The following ADARB2 variants were observed in gnomAD, a reference collection of about 807,000 sequenced individuals.
The protein encoded by ADARB2 is inactive double-stranded RNA-specific editase B2.
In ADARB2, 25 loss-of-function variants were observed where a neutral mutation model predicts 62.2. The ratio of observed to expected loss-of-function variants is 0.40; its 90% confidence interval spans 0.29 to 0.56. The LOEUF (loss-of-function observed/expected upper bound fraction) is 0.56, where lower values mean the gene tolerates loss of function less well. Ranked by LOEUF, ADARB2 falls within the 20% of genes least tolerant of loss-of-function variation. The pLI is 0.43. For synonymous variants in ADARB2, 572 were observed against 500.8 expected, an observed-to-expected ratio of 1.14 and a Z score of -1.90; for missense variants, 1,071 against 1,077.4, an observed-to-expected ratio of 0.99 and a Z score of 0.08.
In ADARB2 at chr10:1,233,978, C is replaced by CTTTTTTTTTTTTTTTTTTTTTT. The variant is rs1589160330; in HGVS notation, c.1362-134_1362-133insAAAAAAAAAAAAAAAAAAAAAA. ...CTTTATATTTTTCCTTTTTTTTTTC[C>CTTTTTTTTTTTTTTTTTTTTTT]TTTTTTTTTTGAGACGGAGTCTTGT... On this transcript the variant is annotated intron_variant, in intron 5 of 9. Transcript: ENST00000381312. 2.5e-5 allele frequency: 11 copies of CTTTTTTTTTTTTTTTTTTTTTT among 433,412 alleles called. 5 individuals carry two copies. The highest frequency in any genetic ancestry group is 7.2e-5 in the African/African-American group (2 of 27,728). The allele number at this position is 433,412 out of a possible 1,614,324, so 26.8% of individuals were successfully genotyped here. A position where few individuals can be genotyped will look rare whatever the true frequency, so the allele number is the denominator to read the frequency against.
intron 1 of ADARB2, among the ~76,000 whole-genome samples, chr10:1,608,157 A>G (rs533146631): frequency 6.6e-6 from 1 of 152,374 alleles, no homozygotes; most frequent in South Asian, 2.1e-4. Flanking sequence ...TTGACATAGT[A>G]TAAAAGTCTG....
intron 7 of ADARB2, among the ~76,000 whole-genome samples, chr10:1,206,469 CGTCTG>C: frequency 1.3e-5 from 2 of 150,620 alleles, no homozygotes; most frequent in East Asian, 3.9e-4. Context: ...CGTGCCTGTG[CGTCTG>C]AGAGAACTGC....
chr10:1,277,826 C>G (rs1295654148), intron 3 of ADARB2, among the ~76,000 whole-genome samples: 1 of 152,188 alleles, frequency 6.6e-6, no homozygotes, highest in Non-Finnish European at 1.5e-5. Flanking sequence ...GACCAATATC[C>G]CTGATGAACA....
intron 1 of ADARB2, among the ~76,000 whole-genome samples, chr10:1,669,021 T>C (rs1834347561): frequency 2.0e-5 from 3 of 152,220 alleles, no homozygotes; most frequent in African/African-American, 7.2e-5. Flanking sequence ...CCTTGGCCCC[T>C]GGGGCTGGCC....
chr10:1,346,260 A>G (rs2131841533), intron 3 of ADARB2, among the ~76,000 whole-genome samples: 1 of 152,302 alleles, frequency 6.6e-6, no homozygotes, highest in Non-Finnish European at 1.5e-5. Flanking sequence ...TCTCAGATGT[A>G]TGGGTGAGAG....
chr10:1,306,878 T>C (rs1445529893), intron 3 of ADARB2, among the ~76,000 whole-genome samples: 5 of 150,160 alleles, frequency 3.3e-5, no homozygotes, highest in South Asian at 4.4e-4. Flanking sequence ...TAGCTAGCCA[T>C]ATGTAGAAAG....
At chr10:1,220,571 C>T (rs1830686246) in intron 6 of ADARB2, among the ~76,000 whole-genome samples, 1 of 152,168 alleles carries the variant, frequency 6.6e-6, no homozygotes, top group Admixed American at 6.5e-5. Context: ...AGCCATCACA[C>T]CTAACAGTTT....
intron 3 of ADARB2, among the ~76,000 whole-genome samples, chr10:1,284,803 A>T (rs530189770): frequency 3.1e-4 from 47 of 152,288 alleles, no homozygotes; most frequent in African/African-American, 1.0e-3. Context: ...AATCCTCGAG[A>T]TATAGAACTC....
chr10:1,208,989 G>A (rs1030640400), intron 7 of ADARB2, among the ~76,000 whole-genome samples: 2 of 152,190 alleles, frequency 1.3e-5, no homozygotes, highest in South Asian at 2.1e-4. Flanking sequence ...AACAGGCTCA[G>A]GGTATCCTCT....
intron 1 of ADARB2, among the ~76,000 whole-genome samples, chr10:1,387,976 T>C (rs766742445): frequency 1.1e-4 from 17 of 151,832 alleles, no homozygotes; most frequent in Non-Finnish European, 2.1e-4. Flanking sequence ...AACCTTAACA[T>C]AATAAAGGGG....
chr10:1,727,332 G>C (rs545121555), intron 1 of ADARB2, among the ~76,000 whole-genome samples: 1 of 152,046 alleles, frequency 6.6e-6, no homozygotes, highest in Non-Finnish European at 1.5e-5. Context: ...TTCTCTGCTC[G>C]TCTCGTCACC....
At chr10:1,607,497 C>T (rs1376307713) in intron 1 of ADARB2, among the ~76,000 whole-genome samples, 1 of 152,198 alleles carries the variant, frequency 6.6e-6, no homozygotes, top group African/African-American at 2.4e-5. Flanking sequence ...CCACAGGCTG[C>T]TGTCCTGCTT....
chr10:1,271,631 TGCACAC>T (rs1831263961), intron 3 of ADARB2, among the ~76,000 whole-genome samples: 1 of 150,578 alleles, frequency 6.6e-6, no homozygotes, highest in South Asian at 2.1e-4. Context: ...TGCACACACA[TGCACAC>T]ACACAGACAC....
At chr10:1,638,240 T>C (rs1240591897) in intron 1 of ADARB2, among the ~76,000 whole-genome samples, 3 of 152,230 alleles carry the variant, frequency 2.0e-5, no homozygotes, top group Admixed American at 6.5e-5. Flanking sequence ...AGTCTCAAAA[T>C]GTCATTAACT....
intron 4 of ADARB2, among the ~76,000 whole-genome samples, chr10:1,250,837 A>T (rs1373987707): frequency 6.6e-6 from 1 of 152,228 alleles, no homozygotes; most frequent in Non-Finnish European, 1.5e-5. Context: ...CCTAGTGTAC[A>T]TCAAGCAGGT....
At chr10:1,659,298 T>C (rs1343558735) in intron 1 of ADARB2, among the ~76,000 whole-genome samples, 2 of 152,176 alleles carry the variant, frequency 1.3e-5, no homozygotes, top group African/African-American at 4.8e-5. Flanking sequence ...TAAACGGGGA[T>C]GGGAGTCCTT....
At chr10:1,554,544 C>T in intron 1 of ADARB2, among the ~76,000 whole-genome samples, 1 of 151,994 alleles carries the variant, frequency 6.6e-6, no homozygotes. Context: ...AACTTTCTTC[C>T]CCCGGGGGAG....
rs78592867 is a variant in ADARB2 at position 1,314,900 on chromosome 10, T to C, written c.1078-43831A>G. Among the ~76,000 whole-genome samples the C allele has an allele frequency of 7.4e-3, 1,128 of 152,276 alleles. 17 individuals carry two copies. The highest frequency in any genetic ancestry group is 0.025 in the African/African-American group (1,029 of 41,548). ...TGTCTGGCCTTAGATATTTCACTGTTGGTGCAAAATTCCCCAGAATTTATT... is the reference window on the plus strand; with the variant it reads ...TGTCTGGCCTTAGATATTTCACTGTCGGTGCAAAATTCCCCAGAATTTATT... On this transcript the variant is annotated intron_variant, in intron 3 of 9. Coordinates refer to ENST00000381312, the MANE Select transcript of ADARB2 (RefSeq NM_018702.4).
intron 8 of ADARB2, among the ~76,000 whole-genome samples, chr10:1,195,395 T>G (rs1322242037): frequency 2.2e-5 from 3 of 133,528 alleles, no homozygotes; most frequent in Admixed American, 7.4e-5. Flanking sequence ...CACAGTTTTT[T>G]TTTTGTTTTT....
Sources: gnomAD v4.1 joint callset for allele counts (sites outside exome capture counted in the v4.1 genomes callset) on GRCh38, gnomAD v4.1.1 for gene constraint, MANE v1.5 for transcripts, NCBI Gene and HGNC (gene_info 2026-07-23, HGNC 2026-07-21) for gene names.